Variants in PGLYRP2 observed in about 807,000 individuals in gnomAD.
PGLYRP2 encodes peptidoglycan recognition protein 2, also known as N-acetylmuramoyl-L-alanine amidase.
In PGLYRP2, 38 loss-of-function variants were observed where a neutral mutation model predicts 46.2. The ratio of observed to expected loss-of-function variants is 0.82; its 90% confidence interval spans 0.64 to 1.08. PGLYRP2 has a LOEUF of 1.08. Among genes scored for constraint, PGLYRP2 ranks in the 50% least tolerant of loss-of-function variants. The pLI is 0.00. For missense variants in PGLYRP2, 713 were observed against 755.9 expected, an observed-to-expected ratio of 0.94 and a Z score of 0.67; for synonymous variants, 289 against 329.4, an observed-to-expected ratio of 0.88 and a Z score of 1.33.
At position 15,475,726 on chromosome 19, in the gene PGLYRP2, C is replaced by G. The variant is rs145689498; in HGVS notation, c.944G>C (p.Arg315Pro). The change falls in exon 2 of 5, where the codon CGC (arginine) becomes CCC (proline). Residue 315 changes from arginine to proline, a missense_variant. Physicochemically the swap from Arg to Pro is moderately radical, Grantham distance 103. Transcript: ENST00000340880. Reference sequence around the variant, plus strand: ...ACCGTTCTGCCGTCGGAAGTTGCTGCGGAACCCTGGGTCTCTGGCCACCCC... The same window carrying G: ...ACCGTTCTGCCGTCGGAAGTTGCTGGGGAACCCTGGGTCTCTGGCCACCCC... ...GAGVARDPGFRSNFRRQNGAA... is the reference protein window; with the variant it reads ...GAGVARDPGFPSNFRRQNGAA... 6 of 1,613,994 alleles carry G rather than the reference C, an allele frequency of 3.7e-6. No homozygotes were observed. Among genetic ancestry groups the G allele is most frequent in the Non-Finnish European group, 4.2e-6 (5 of 1,179,930 alleles).
At position 15,476,579 on chromosome 19, in the gene PGLYRP2, T is replaced by C. The variant is rs923701026; in HGVS notation, c.91A>G (p.Ile31Val). ...TGCTCCAGCTCAGCCAGGGCCTGGA[T>C]GACAGAGTCCATGAGCAGGGGCAGG... ...ASLPLLMDSVIQALAELEQKV... is the reference protein window; with the variant it reads ...ASLPLLMDSVVQALAELEQKV... The change falls in exon 2 of 5, where the codon ATC (isoleucine) becomes GTC (valine). Residue 31 changes from isoleucine (I) to valine (V), a missense_variant. Coordinates refer to ENST00000340880, the MANE Select transcript of PGLYRP2 (RefSeq NM_052890.4). 1.4e-5 allele frequency: 22 copies of C among 1,610,086 alleles called. No individual in the cohort carries two copies. The highest frequency in any genetic ancestry group is 1.8e-5 in the Non-Finnish European group (21 of 1,178,182).
In PGLYRP2 at chr19:15,476,522, CTGTG is replaced by C; in HGVS notation, c.144_147del (p.His48GlnfsTer6). 6.2e-7 allele frequency: 1 copy of C among 1,614,126 alleles called. No individual in the cohort carries two copies. Among genetic ancestry groups the C allele is most frequent in the Non-Finnish European group, 8.5e-7 (1 of 1,180,008 alleles). ...GGAGCTGACATCAGCCACGCAGAAG[CTGTG>C]TGTCTGGTCTTGGCAGCTGGCACTT... On this transcript the variant is annotated frameshift_variant, in exon 2 of 5. Transcript: ENST00000340880. LOFTEE classifies it high-confidence loss of function.
At chr19:15,478,204 G>A (rs141923371) in intron 1 of PGLYRP2, among the ~76,000 whole-genome samples, 22,368 of 152,110 alleles carry the variant, frequency 0.15, 1,804 homozygotes, top group Non-Finnish European at 0.18. Flanking sequence ...AAAGTTAGCC[G>A]GGTGCGGTGG....
intron 3 of PGLYRP2, among the ~76,000 whole-genome samples, chr19:15,471,086 C>T (rs1043998286): frequency 6.2e-5 from 9 of 144,160 alleles, no homozygotes; most frequent in African/African-American, 2.3e-4. Context: ...ACTACAGGCG[C>T]GCAACACCAT....
At position 15,469,353 on chromosome 19, in the gene PGLYRP2, G is replaced by T. The variant is rs573976087; in HGVS notation, c.1641+279C>A. On this transcript the variant is annotated intron_variant, in intron 4 of 4. Transcript: ENST00000340880. This position sits in a 1 kb window ranked among gnomAD's most constrained non-coding sequence, Gnocchi z 4.9. ...AGGTGTCAGGGTCCATGCCTTGGCTGGAAAGGTAGAGGTATTAGGAGCTGG... is the reference window on the plus strand; with the variant it reads ...AGGTGTCAGGGTCCATGCCTTGGCTTGAAAGGTAGAGGTATTAGGAGCTGG... 6.7e-5 allele frequency: 45 copies of T among 671,102 alleles called. No individual in the cohort carries two copies. The highest frequency in any genetic ancestry group is 6.4e-4 in the African/African-American group (36 of 56,524). 41.6% of individuals were successfully genotyped at this position (671,102 alleles called of 1,614,324 possible).
At chr19:15,478,633 T>C (rs1215110379) in intron 1 of PGLYRP2, among the ~76,000 whole-genome samples, 2 of 149,980 alleles carry the variant, frequency 1.3e-5, no homozygotes, top group African/African-American at 2.4e-5. Flanking sequence ...TGCCTTTGTT[T>C]TTTTTTTTTT....
At chr19:15,471,860 C>T (rs746745283) in intron 3 of PGLYRP2, 30 bp downstream of exon 3, 3 of 1,603,956 alleles carry the variant, frequency 1.9e-6, no homozygotes, top group East Asian at 4.5e-5. Context: ...AACGTGGGCC[C>T]CGCCCCCTCC....
At chr19:15,474,611 G>A (rs904779064) in intron 2 of PGLYRP2, among the ~76,000 whole-genome samples, 2 of 152,098 alleles carry the variant, frequency 1.3e-5, no homozygotes. Flanking sequence ...ACGAAGGTCA[G>A]GCCCAGGTTT....
chr19:15,468,825 G>T, intron 4 of PGLYRP2, 73 bp from the exon 5 acceptor site: 1 of 1,214,574 alleles, frequency 8.2e-7, no homozygotes, highest in South Asian at 1.4e-5. Flanking sequence ...TCCTGGTGGT[G>T]GAACCCTGGA....
chr19:15,474,205 C>A (rs1042463088), intron 2 of PGLYRP2, among the ~76,000 whole-genome samples: 4 of 151,954 alleles, frequency 2.6e-5, no homozygotes, highest in Admixed American at 2.6e-4. Context: ...AGCATGGTGG[C>A]AGGCACCTGT....
chr19:15,472,228 C>T, intron 2 of PGLYRP2, 128 bp from the exon 3 acceptor site: 2 of 725,652 alleles, frequency 2.8e-6, no homozygotes, highest in South Asian at 3.7e-5. Context: ...CCAGTCTCAC[C>T]CCACATTGGT....
At chr19:15,468,904 G>A in intron 4 of PGLYRP2, 152 bp from the exon 5 acceptor site, 1 of 581,830 alleles carries the variant, frequency 1.7e-6, no homozygotes, top group Admixed American at 3.2e-5. Context: ...AGATGGATGT[G>A]CTAGTCAATA....
Position 15,469,200 on chromosome 19 carries a change from G to C in PGLYRP2, c.1641+432C>G, listed in dbSNP as rs1480882071. 5.1e-6 allele frequency: 3 copies of C among 589,206 alleles called. No individual in the cohort carries two copies. Among genetic ancestry groups the C allele is most frequent in the Non-Finnish European group, 9.1e-6 (3 of 330,342 alleles). 36.5% of individuals were successfully genotyped at this position (589,206 alleles called of 1,614,324 possible). On this transcript the variant is annotated intron_variant, in intron 4 of 4. Coordinates refer to ENST00000340880, the MANE Select transcript of PGLYRP2 (RefSeq NM_052890.4). This position sits in a 1 kb window ranked among gnomAD's most constrained non-coding sequence, Gnocchi z 4.9. ...CATGTTGTGTGGACAGAGGGCCTTC[G>C]GGTAGGGGCAGGGGTGAGGTCAAGG...
chr19:15,470,109 C>T (rs929943928), intron 3 of PGLYRP2, among the ~76,000 whole-genome samples, 180 bp from the exon 4 acceptor site: 1 of 151,860 alleles, frequency 6.6e-6, no homozygotes, highest in Admixed American at 6.6e-5. Context: ...ACTCCAGGAC[C>T]GTTCGGTTTC....
chr19:15,477,526 C>T (rs572612704), intron 1 of PGLYRP2, among the ~76,000 whole-genome samples: 9 of 151,494 alleles, frequency 5.9e-5, no homozygotes, highest in East Asian at 3.9e-4. Context: ...GGCGAGACTC[C>T]GTCACTACTA....
At chr19:15,470,461 TA>T (rs1401589825) in intron 3 of PGLYRP2, among the ~76,000 whole-genome samples, 1 of 150,116 alleles carries the variant, frequency 6.7e-6, no homozygotes, top group East Asian at 2.0e-4. Flanking sequence ...CACGCCCATC[TA>T]ATTTTTTTTT....
intron 2 of PGLYRP2, among the ~76,000 whole-genome samples, chr19:15,474,661 G>A (rs1047213649): frequency 2.6e-5 from 4 of 152,022 alleles, no homozygotes; most frequent in South Asian, 2.1e-4. Flanking sequence ...TACAGTGGTC[G>A]GCAGGAAATG....
rs1040860815 is a variant in PGLYRP2, at chr19:15,470,021, G to A, written c.1344-92C>T. On this transcript the variant is annotated intron_variant, in intron 3 of 4. Transcript: ENST00000340880. ...CTCCCCGATTCTGTTGGTGTGCCAA[G>A]GGCCACCGACCCCAAGACCCGCGCG... 13 of 1,278,160 alleles carry A rather than the reference G, an allele frequency of 1.0e-5. No homozygotes were observed. The African/African-American group carries it at 1.9e-4, about 18-fold the overall frequency. 79.2% of individuals were successfully genotyped at this position (1,278,160 alleles called of 1,614,324 possible).
chr19:15,470,335 C>A (rs980690849), intron 3 of PGLYRP2, among the ~76,000 whole-genome samples: 1 of 137,430 alleles, frequency 7.3e-6, no homozygotes, highest in African/African-American at 2.8e-5. Context: ...TCACTCTTGT[C>A]GCTGAGGCTG....
Sources: gnomAD v4.1 joint callset for allele counts (sites outside exome capture counted in the v4.1 genomes callset) on GRCh38, gnomAD v4.1.1 for gene constraint, Gnocchi (gnomAD v3.1) non-coding constraint, MANE v1.5 for transcripts, NCBI Gene and HGNC (gene_info 2026-07-23, HGNC 2026-07-21) for gene names.